The following FAT4 variants were observed in gnomAD, a reference collection of about 807,000 sequenced individuals.
FAT4 encodes the protein protocadherin Fat 4.
FAT4 carries 84 observed loss-of-function variants against 303.9 expected under a neutral mutation model. That is an observed-to-expected ratio of 0.28 (90% CI 0.23 to 0.33). FAT4 has a LOEUF of 0.33. Ranked by LOEUF, FAT4 falls within the 10% of genes least tolerant of loss-of-function variation. The pLI is 1.00. For synonymous variants in FAT4, 2,307 were observed against 2,298.8 expected (o/e 1.00, Z -0.10); for missense variants, 6,005 against 6,146.8 (o/e 0.98, Z 0.77).
intron 10 of FAT4, among the ~76,000 whole-genome samples, chr4:125,455,296 A>G (rs1435568165): frequency 6.6e-6 from 1 of 152,216 alleles, no homozygotes; most frequent in Non-Finnish European, 1.5e-5. Flanking sequence ...TGCTGATTTT[A>G]GCATAAATGA....
At chr4:125,360,746 G>A (rs1258988591) in intron 2 of FAT4, among the ~76,000 whole-genome samples, 1 of 152,014 alleles carries the variant, frequency 6.6e-6, no homozygotes, top group East Asian at 1.9e-4. Context: ...GTCTTTAGGG[G>A]AGGAGGATGG....
rs756452113 is a variant in FAT4, at chr4:125,491,257, G to A, written c.14441G>A (p.Arg4814Lys). ...NPSICSADHG[R>K]SSSEEDCRRP... Reference sequence around the variant, plus strand: ...AGTATCTGCAGTGCAGACCATGGGAGGTCTTCTTCAGAGGAGGACTGCAGA... The same window carrying A: ...AGTATCTGCAGTGCAGACCATGGGAAGTCTTCTTCAGAGGAGGACTGCAGA... The change falls in exon 18 of 18, where the codon AGG (arginine) becomes AAG (lysine). Residue 4814 changes from arginine (R) to lysine (K), a missense_variant. Transcript: ENST00000394329. 13 of 1,613,972 alleles carry A rather than the reference G, an allele frequency of 8.1e-6. No individual in the cohort carries two copies. In the Admixed American group the frequency reaches 2.0e-4, roughly 25 times the overall value.
chr4:125,334,819 C>G (rs1170348184), intron 2 of FAT4, among the ~76,000 whole-genome samples: 2 of 151,768 alleles, frequency 1.3e-5, no homozygotes, highest in African/African-American at 2.4e-5. Context: ...CCCATAGTCT[C>G]TTTTTTTTAA....
chr4:125,372,852 T>C (rs1733175198), intron 2 of FAT4, among the ~76,000 whole-genome samples: 1 of 152,194 alleles, frequency 6.6e-6, no homozygotes, highest in South Asian at 2.1e-4. Context: ...GTTGTCTTGA[T>C]CAATATCATA....
intron 2 of FAT4, chr4:125,394,061 A>G (rs1448596969): frequency 3.9e-6 from 3 of 762,502 alleles, no homozygotes; most frequent in Non-Finnish European, 4.9e-6. Flanking sequence ...AGATGAAACC[A>G]CACACATTTT....
chr4:125,448,523 T>A lies in FAT4; in HGVS notation c.7513T>A (p.Tyr2505Asn). 1 of 1,613,880 alleles carries A rather than the reference T, an allele frequency of 6.2e-7. No homozygotes were observed. The highest frequency in any genetic ancestry group is 8.5e-7 in the Non-Finnish European group (1 of 1,179,874). Residue 2505 changes from tyrosine (Y) to asparagine (N), a missense_variant, in exon 10 of 18, where the codon TAT becomes AAT. Physicochemically the swap from Tyr to Asn is moderately radical, Grantham distance 143. Transcript: ENST00000394329. ...TATTGGACCAAATTCTGAACTGCAT[T>A]ATTCTCTTTCGGGTAGAAATTCTGA... The part of the protein sequence containing the change: ...ADIGPNSELH[Y>N]SLSGRNSEKF...
At chr4:125,462,529 T>G (rs868866423) in intron 10 of FAT4, among the ~76,000 whole-genome samples, 1 of 152,108 alleles carries the variant, frequency 6.6e-6, no homozygotes, top group African/African-American at 2.4e-5. Flanking sequence ...ATTGCAATAC[T>G]TTAAAGTTAT....
At chr4:125,438,001 CCT>C (rs1226699670) in intron 8 of FAT4, among the ~76,000 whole-genome samples, 2 of 152,152 alleles carry the variant, frequency 1.3e-5, no homozygotes, top group African/African-American at 4.8e-5. Flanking sequence ...AGCACCTAGC[CCT>C]CTACCTGTCT....
chr4:125,414,234 A>G (rs888264029), intron 5 of FAT4, among the ~76,000 whole-genome samples: 3 of 152,142 alleles, frequency 2.0e-5, no homozygotes, highest in Non-Finnish European at 4.4e-5. Context: ...AAAATGACAC[A>G]TGATCCTAAG....
In FAT4 at chr4:125,451,845, A is replaced by G. The variant is rs368402514; in HGVS notation, c.10835A>G (p.Asn3612Ser). ...VHITVIDQND[N>S]PSQSRTVEIF... ...ATCACAGTTATAGACCAAAATGACAATCCTTCACAGTCTCGGACGGTGGAG... is the reference window on the plus strand; with the variant it reads ...ATCACAGTTATAGACCAAAATGACAGTCCTTCACAGTCTCGGACGGTGGAG... The change falls in exon 10 of 18, where the codon AAT becomes AGT. Residue 3612 changes from asparagine (N) to serine (S), a missense_variant. By Grantham distance (46) the Asn-to-Ser change is conservative. Transcript: ENST00000394329. 1.2e-6 allele frequency: 2 copies of G among 1,613,968 alleles called. No homozygotes were observed. The highest frequency in any genetic ancestry group is 2.7e-5 in the African/African-American group (2 of 74,914).
Position 125,318,099 on chromosome 4 carries a change from T to C in FAT4, c.1688T>C (p.Val563Ala), listed in dbSNP as rs776635822. The C allele has an allele frequency of 4.3e-6, 7 of 1,613,990 alleles. 1 individual carries two copies. The highest frequency in any genetic ancestry group is 1.6e-4 in the Middle Eastern group (1 of 6,084). The change falls in exon 2 of 18, where the codon GTG (valine) becomes GCG (alanine). Residue 563 changes from valine to alanine, a missense_variant. By Grantham distance (64) the Val-to-Ala change is moderately conservative. Coordinates refer to ENST00000394329, the MANE Select transcript of FAT4 (RefSeq NM_001291303.3). ...SARDQGVHPKVSYAQLVVTLL... is the reference protein window; with the variant it reads ...SARDQGVHPKASYAQLVVTLL... ...CGGGACCAGGGAGTTCACCCCAAGG[T>C]GTCCTATGCCCAGCTTGTAGTAACT...
intron 7 of FAT4, among the ~76,000 whole-genome samples, chr4:125,430,286 C>T (rs1280287857): frequency 6.6e-6 from 1 of 152,072 alleles, no homozygotes; most frequent in Non-Finnish European, 1.5e-5. Context: ...GTTTGTGTCA[C>T]TCATCTGGCA....
intron 2 of FAT4, among the ~76,000 whole-genome samples, chr4:125,397,851 A>G (rs987266161): frequency 1.3e-5 from 2 of 152,116 alleles, no homozygotes; most frequent in African/African-American, 4.8e-5. Flanking sequence ...TTTTTACAGC[A>G]TAATTATAAA....
At chr4:125,456,294 G>A (rs557874156) in intron 10 of FAT4, among the ~76,000 whole-genome samples, 57 of 152,206 alleles carry the variant, frequency 3.7e-4, no homozygotes, top group African/African-American at 1.3e-3. Context: ...AGCTGCCAAA[G>A]TCTATATCAT....
In FAT4 at chr4:125,396,459, C is replaced by G. The variant is rs1368607257; in HGVS notation, c.5176-2325C>G. ...TGTGTGACTCTGTTTCCTGATGTGC[C>G]TTTGATGGTCATATTTAATTGGTGT... On this transcript the variant is annotated intron_variant, in intron 2 of 17. Coordinates refer to ENST00000394329, the MANE Select transcript of FAT4 (RefSeq NM_001291303.3). Among the ~76,000 whole-genome samples the G allele has an allele frequency of 3.3e-5, 5 of 152,004 alleles. No individual in the cohort carries two copies. In the East Asian group the frequency reaches 9.6e-4, roughly 29 times the overall value.
intron 2 of FAT4, among the ~76,000 whole-genome samples, chr4:125,383,974 G>A (rs184051962): frequency 1.3e-5 from 2 of 152,194 alleles, no homozygotes; most frequent in Non-Finnish European, 2.9e-5. Flanking sequence ...TTGAGCATAA[G>A]AGGGATACTA....
chr4:125,437,131 A>T (rs1257145510), intron 8 of FAT4, among the ~76,000 whole-genome samples: 1 of 152,052 alleles, frequency 6.6e-6, no homozygotes, highest in Non-Finnish European at 1.5e-5. Context: ...CTGGGATTAC[A>T]GGCATGAGCC....
chr4:125,472,005 G>A (rs1464167059), intron 12 of FAT4, among the ~76,000 whole-genome samples: 4 of 147,996 alleles, frequency 2.7e-5, no homozygotes, highest in Admixed American at 6.8e-5. Flanking sequence ...CCTGGGAGGC[G>A]GAGCTTGCAG....
chr4:125,478,916 G>A (rs573807512), intron 14 of FAT4, among the ~76,000 whole-genome samples: 2 of 152,142 alleles, frequency 1.3e-5, no homozygotes, highest in African/African-American at 2.4e-5. Flanking sequence ...CAGCTTCAAA[G>A]CCAAAATCCT....
Sources: gnomAD v4.1 joint callset for allele counts (sites outside exome capture counted in the v4.1 genomes callset) on GRCh38, gnomAD v4.1.1 for gene constraint, MANE v1.5 for transcripts, NCBI Gene and HGNC (gene_info 2026-07-23, HGNC 2026-07-21) for gene names.